ILF2: variants seen among roughly 807,000 people sequenced by gnomAD.
The protein encoded by ILF2 is interleukin enhancer binding factor 2.
ILF2 carries 9 observed loss-of-function variants against 55.3 expected under a neutral mutation model. The ratio of observed to expected loss-of-function variants is 0.16; its 90% confidence interval spans 0.10 to 0.28. The LOEUF is 0.28. Ranked by LOEUF, ILF2 falls within the 10% of genes least tolerant of loss-of-function variation. ILF2 has a pLI of 1.00. For synonymous variants in ILF2, 151 were observed against 161.8 expected (o/e 0.93, Z 0.50); for missense variants, 266 against 474.9 (o/e 0.56, Z 4.09).
chr1:153,662,708 T>G lies in ILF2; in HGVS notation c.1009A>C (p.Ser337Arg). Reference sequence around the variant, plus strand: ...CTGACCCACAGTGGTCACTCACAGCTGGCATCACCCTCCTGGCCAAGGATC... The same window carrying G: ...CTGACCCACAGTGGTCACTCACAGCGGGCATCACCCTCCTGGCCAAGGATC... The part of the protein sequence containing the change: ...RKILGQEGDA[S>R]YLASEISTWD... Residue 337 changes from serine (S) to arginine (R), a missense_variant, in exon 13 of 14, where the codon AGC becomes CGC. Transcript: ENST00000361891. 1.2e-6 allele frequency: 2 copies of G among 1,614,030 alleles called. No individual in the cohort carries two copies. Among genetic ancestry groups the G allele is most frequent in the Non-Finnish European group, 1.7e-6 (2 of 1,179,866 alleles).
chr1:153,670,277 G>A (rs765474521), intron 1 of ILF2, 47 bp from the exon 2 acceptor site: 3 of 1,587,964 alleles, frequency 1.9e-6, no homozygotes, highest in Admixed American at 1.7e-5. Context: ...AATACCCACC[G>A]GCCATATCAT....
chr1:153,665,404 G>A, intron 7 of ILF2, 68 bp from the exon 8 acceptor site: 2 of 1,062,842 alleles, frequency 1.9e-6, no homozygotes, highest in South Asian at 1.3e-5. Context: ...TAAATCCAGG[G>A]TGGGGGGGAA....
chr1:153,670,830 C>G (rs1262755604), intron 1 of ILF2, 88 bp downstream of exon 1: 17 of 1,515,894 alleles, frequency 1.1e-5, no homozygotes, highest in South Asian at 1.1e-5. Context: ...ATACATGGCC[C>G]TTTCTGATAC....
At chr1:153,662,975 A>C (rs752686853) in intron 12 of ILF2, 44 bp downstream of exon 12, 1 of 1,532,338 alleles carries the variant, frequency 6.5e-7, no homozygotes, top group Admixed American at 1.7e-5. Flanking sequence ...AGCAGTATTC[A>C]AAAGAGTGGG....
intron 2 of ILF2, 118 bp downstream of exon 2, chr1:153,670,053 A>C: frequency 8.5e-7 from 1 of 1,171,706 alleles, no homozygotes; most frequent in African/African-American, 1.5e-5. Context: ...GGAGTGCAGG[A>C]AAAGACCACA....
chr1:153,665,182 C>A lies in ILF2; in HGVS notation c.577+38G>T, dbSNP rs371653909. On this transcript the variant is annotated intron_variant, in intron 8 of 13. Transcript: ENST00000361891. ...AGCAACAATACCATGTTTTGAATAT[C>A]CCCTAAATTTTCCAGCAATGGAAAA... The A allele has an allele frequency of 4.4e-6, 5 of 1,136,156 alleles. No individual in the cohort carries two copies. In the African/African-American group the frequency reaches 7.6e-5, roughly 17 times the overall value. 70.4% of individuals were successfully genotyped at this position (1,136,156 alleles called of 1,614,324 possible).
At chr1:153,664,168 G>A (rs372794128) in intron 9 of ILF2, 38 bp from the exon 10 acceptor site, 11 of 1,325,146 alleles carry the variant, frequency 8.3e-6, no homozygotes, top group Middle Eastern at 1.8e-4. Flanking sequence ...AAATCAATAC[G>A]ATCATGTATT....
chr1:153,666,742 A>G (rs1669317886), intron 6 of ILF2, among the ~76,000 whole-genome samples: 1 of 152,220 alleles, frequency 6.6e-6, no homozygotes, highest in Non-Finnish European at 1.5e-5. Context: ...AATTACCTCC[A>G]GTTGAGAAAC....
chr1:153,662,869 G>C, intron 12 of ILF2, 74 bp from the exon 13 acceptor site: 1 of 1,400,270 alleles, frequency 7.1e-7, no homozygotes, highest in East Asian at 2.3e-5. Context: ...TCTGAAAACA[G>C]AGATTAAGAC....
In ILF2 at chr1:153,668,077, C is replaced by G; in HGVS notation, c.214G>C (p.Ala72Pro). 6.3e-7 allele frequency: 1 copy of G among 1,593,910 alleles called. No individual in the cohort carries two copies. Reference protein sequence around the residue: ...QDLAPNSAEQASILSLVTKIN... With the variant: ...QDLAPNSAEQPSILSLVTKIN... ...TTTGTCACCAGAGAAAGGATAGATG[C>G]CTGAAAAACAGTATGAAACAATACT... Residue 72 changes from alanine to proline, a missense_variant and splice_region_variant, in exon 5 of 14, where the codon GCA (alanine) becomes CCA (proline). Coordinates refer to ENST00000361891, the MANE Select transcript of ILF2 (RefSeq NM_004515.4).
chr1:153,669,966 G>T, intron 2 of ILF2, 88 bp from the exon 3 acceptor site: 1 of 1,216,248 alleles, frequency 8.2e-7, no homozygotes, highest in Non-Finnish European at 1.2e-6. Context: ...AAACATGTCA[G>T]TCCTCAGAAT....
rs778148195 is a variant in ILF2, at chr1:153,664,099, A to G, written c.688T>C (p.Leu230=). 5 of 1,613,432 alleles carry G rather than the reference A, an allele frequency of 3.1e-6. No individual in the cohort carries two copies. Among genetic ancestry groups the G allele is most frequent in the Middle Eastern group, 1.6e-4 (1 of 6,082 alleles). The change falls in exon 10 of 14, where the codon TTG becomes CTG. Residue 230 remains leucine (L), a synonymous_variant. Transcript: ENST00000361891. ...VKVLIRLLKD[L]RIRFPGFEPL... is the part of the protein sequence containing the mutation. ...TCAAAGCCAGGAAAACGAATCCTCA[A>G]GTCCTTCAGTAGTCTGATGAGAACT...
At chr1:153,667,696 GA>G (rs769678302) in intron 5 of ILF2, 39 bp from the exon 6 acceptor site, 17 of 1,424,590 alleles carry the variant, frequency 1.2e-5, no homozygotes, top group South Asian at 2.4e-5. Flanking sequence ...CAATTTAGAA[GA>G]AAAAAAGGTG....
chr1:153,663,639 G>A (rs562755534), intron 10 of ILF2, among the ~76,000 whole-genome samples: 7 of 151,784 alleles, frequency 4.6e-5, no homozygotes, highest in East Asian at 1.9e-4. Flanking sequence ...AAATGATCAC[G>A]AGGAAAACTG....
intron 8 of ILF2, among the ~76,000 whole-genome samples, chr1:153,664,756 T>A (rs1029595484): frequency 6.6e-6 from 1 of 152,160 alleles, no homozygotes; most frequent in African/African-American, 2.4e-5. Context: ...CGGGGTTTCA[T>A]CATGTTGGCC....
At position 153,662,430 on chromosome 1, in the gene ILF2, C is replaced by T; in HGVS notation, c.1139G>A (p.Gly380Glu). The part of the protein sequence containing the change: ...EEENTEEPPQ[G>E]EEEESMETQE Reference sequence around the variant, plus strand: ...AGTTTCCATGCTTTCTTCTTCCTCTCCTTGAGGTGGTTCTTCTGTATTCTC... The same window carrying T: ...AGTTTCCATGCTTTCTTCTTCCTCTTCTTGAGGTGGTTCTTCTGTATTCTC... The change falls in exon 14 of 14, where the codon GGA (glycine) becomes GAA (glutamate). Residue 380 changes from glycine (G) to glutamate (E), a missense_variant. By Grantham distance (98) the Gly-to-Glu change is moderately conservative. Transcript: ENST00000361891. 1.2e-6 allele frequency: 2 copies of T among 1,613,686 alleles called. No individual in the cohort carries two copies. The highest frequency in any genetic ancestry group is 1.7e-6 in the Non-Finnish European group (2 of 1,179,602).
Position 153,663,248 on chromosome 1 carries a change from G to A in ILF2, c.773C>T (p.Thr258Ile). Residue 258 changes from threonine (T) to isoleucine (I), a missense_variant, in exon 11 of 14, where the codon ACC becomes ATC. Coordinates refer to ENST00000361891, the MANE Select transcript of ILF2 (RefSeq NM_004515.4). Reference sequence around the variant, plus strand: ...AACGTTTAGGGCCAAAGGCTGTCTGGTGGGGTTGTTCATCACAGCATAATG... The same window carrying A: ...AACGTTTAGGGCCAAAGGCTGTCTGATGGGGTTGTTCATCACAGCATAATG... The part of the protein sequence containing the change: ...LGHYAVMNNP[T>I]RQPLALNVAY... 1.2e-6 allele frequency: 2 copies of A among 1,614,208 alleles called. No homozygotes were observed. Among genetic ancestry groups the A allele is most frequent in the Non-Finnish European group, 8.5e-7 (1 of 1,180,042 alleles).
rs1276139805 is a variant in ILF2, at chr1:153,662,239, A to G, written c.*157T>C. The G allele has an allele frequency of 9.1e-6, 8 of 879,804 alleles. No homozygotes were observed. The highest frequency in any genetic ancestry group is 7.1e-5 in the Admixed American group (3 of 42,126). The allele number at this position is 879,804 out of a possible 1,614,324, so 54.5% of individuals were successfully genotyped here. ...AAATGGGAGACTGGCAGCTAAGCCA[A>G]TATCAAAACCCAGTGGAATGACACT... On this transcript the variant is annotated 3_prime_UTR_variant, in exon 14 of 14. Coordinates refer to ENST00000361891, the MANE Select transcript of ILF2 (RefSeq NM_004515.4).
intron 6 of ILF2, chr1:153,667,140 A>AT: frequency 4.6e-6 from 1 of 219,612 alleles, no homozygotes; most frequent in Non-Finnish European, 8.9e-6. Flanking sequence ...AACTAGAAAC[A>AT]TTTGTCTTAC....
Sources: gnomAD v4.1 joint callset for allele counts (sites outside exome capture counted in the v4.1 genomes callset) on GRCh38, gnomAD v4.1.1 for gene constraint, MANE v1.5 for transcripts, NCBI Gene and HGNC (gene_info 2026-07-23, HGNC 2026-07-21) for gene names.